The following ARHGAP22 variants were observed in gnomAD, a reference collection of about 807,000 sequenced individuals.
The protein encoded by ARHGAP22 is Rho GTPase activating protein 22, also known as rho GTPase-activating protein 22.
A neutral mutation model predicts 59.1 loss-of-function variants in ARHGAP22; 48 were observed. The observed-to-expected ratio is 0.81, with a 90% confidence interval of 0.64 to 1.03. ARHGAP22 has a LOEUF of 1.03. ARHGAP22 is among the 50% of genes least tolerant of loss of function. The probability of loss-of-function intolerance (pLI) is 0.00; values close to 1 mark genes in which losing one functional copy is unlikely to be tolerated. For missense variants in ARHGAP22, 1,015 were observed against 958.7 expected, an observed-to-expected ratio of 1.06 and a Z score of -0.78; for synonymous variants, 445 against 416.4, an observed-to-expected ratio of 1.07 and a Z score of -0.84.
At chr10:48,476,561 C>T (rs974197855) in intron 4 of ARHGAP22, among the ~76,000 whole-genome samples, 1 of 152,236 alleles carries the variant, frequency 6.6e-6, no homozygotes, top group Non-Finnish European at 1.5e-5. Flanking sequence ...CATGCATGCC[C>T]AGACACGTCT....
chr10:48,555,262 C>A (rs1462287160), intron 3 of ARHGAP22, among the ~76,000 whole-genome samples: 2 of 152,250 alleles, frequency 1.3e-5, no homozygotes, highest in African/African-American at 4.8e-5. Context: ...CCCAAAAGCT[C>A]ATTGTCCAGA....
intron 4 of ARHGAP22, among the ~76,000 whole-genome samples, chr10:48,472,607 C>G (rs1319221971): frequency 1.3e-5 from 2 of 152,200 alleles, no homozygotes; most frequent in Admixed American, 1.3e-4. Context: ...CCTCTACCTT[C>G]TGGCCACTCC....
intron 3 of ARHGAP22, among the ~76,000 whole-genome samples, chr10:48,539,617 G>A (rs2055740813): frequency 6.6e-6 from 1 of 152,134 alleles, no homozygotes; most frequent in Non-Finnish European, 1.5e-5. Context: ...ATATTTCACA[G>A]ATTTTTGTTT....
intron 2 of ARHGAP22, among the ~76,000 whole-genome samples, chr10:48,560,634 A>G (rs998855557): frequency 6.6e-6 from 1 of 152,096 alleles, no homozygotes; most frequent in African/African-American, 2.4e-5. Flanking sequence ...ATTAGCTTTC[A>G]GTTTTCCATA....
At chr10:48,439,912 A>G in the ARHGAP22 span, among the ~76,000 whole-genome samples, 1 of 152,132 alleles carries the variant, frequency 6.6e-6, no homozygotes, top group African/African-American at 2.4e-5. Context: ...TCCTCTGAGG[A>G]GCGGAGAGGA....
In ARHGAP22 at chr10:48,577,801, G is replaced by GTTTTTTTTTTTTTTTTTTT. The variant is rs34557935; in HGVS notation, c.234+5133_234+5151dup. 5.4e-4 allele frequency among the ~76,000 whole-genome samples: 32 copies of GTTTTTTTTTTTTTTTTTTT among 59,160 alleles called. 7 individuals carry two copies. The highest frequency in any genetic ancestry group is 0.022 in the Middle Eastern group (1 of 46). 38.8% of individuals were successfully genotyped at this position (59,160 alleles called of 152,430 possible). A position where few individuals can be genotyped will look rare whatever the true frequency, so the allele number is the denominator to read the frequency against. Reference sequence around the variant, plus strand: ...TCTGAGATCTAACTGCTCTTTTTTGGTTTTTTTTTTTTTTTTTTTTTTTTT... The same window carrying GTTTTTTTTTTTTTTTTTTT: ...TCTGAGATCTAACTGCTCTTTTTTGGTTTTTTTTTTTTTTTTTTTTTTTTTTTTTTTTTTTTTTTTTTTT... On this transcript the variant is annotated intron_variant, in intron 2 of 9. Transcript: ENST00000249601.
At chr10:48,648,429 C>T (rs944621594) in intron 1 of ARHGAP22, among the ~76,000 whole-genome samples, 11 of 152,122 alleles carry the variant, frequency 7.2e-5, no homozygotes, top group East Asian at 3.9e-4. Flanking sequence ...TGTCCCTTCC[C>T]GGCTGAGGAT....
At chr10:48,613,934 G>A (rs1327301049) in intron 1 of ARHGAP22, among the ~76,000 whole-genome samples, 1 of 152,168 alleles carries the variant, frequency 6.6e-6, no homozygotes, top group Non-Finnish European at 1.5e-5. Context: ...TGTTATAAAA[G>A]CAGGGTTGAT....
intron 3 of ARHGAP22, among the ~76,000 whole-genome samples, chr10:48,554,782 G>C (rs2057177962): frequency 6.6e-6 from 1 of 152,152 alleles, no homozygotes; most frequent in Non-Finnish European, 1.5e-5. Context: ...GCCTGCAGCA[G>C]CAACCCACTC....
chr10:48,503,453 T>C (rs2051742116), intron 3 of ARHGAP22, among the ~76,000 whole-genome samples: 2 of 152,312 alleles, frequency 1.3e-5, no homozygotes, highest in Middle Eastern at 3.4e-3. Context: ...TCTACATTGG[T>C]ATAAACGATG....
chr10:48,625,645 G>A (rs982047069), intron 1 of ARHGAP22, among the ~76,000 whole-genome samples: 21 of 151,682 alleles, frequency 1.4e-4, no homozygotes, highest in South Asian at 4.2e-4. Context: ...AGACCAGACC[G>A]TGCTCACATT....
At chr10:48,509,485 C>G (rs923145293) in intron 3 of ARHGAP22, among the ~76,000 whole-genome samples, 1 of 152,234 alleles carries the variant, frequency 6.6e-6, no homozygotes, top group African/African-American at 2.4e-5. Context: ...ACAAATAGCA[C>G]TAACTTGGAA....
intron 4 of ARHGAP22, among the ~76,000 whole-genome samples, chr10:48,465,622 T>A (rs1407364221): frequency 6.6e-6 from 1 of 152,218 alleles, no homozygotes; most frequent in Non-Finnish European, 1.5e-5. Context: ...AAGGGAGACC[T>A]GGGATTCCCT....
At chr10:48,540,886 C>T (rs980909069) in intron 3 of ARHGAP22, among the ~76,000 whole-genome samples, 1 of 151,974 alleles carries the variant, frequency 6.6e-6, no homozygotes, top group African/African-American at 2.4e-5. Flanking sequence ...TACTCAACCC[C>T]GGACTAGGAG....
intron 3 of ARHGAP22, among the ~76,000 whole-genome samples, chr10:48,542,603 G>A (rs1002982752): frequency 2.0e-5 from 3 of 152,186 alleles, no homozygotes; most frequent in African/African-American, 4.8e-5. Flanking sequence ...GGCTATTGCT[G>A]TCTTCCCCTC....
intron 3 of ARHGAP22, among the ~76,000 whole-genome samples, chr10:48,521,153 G>A (rs1412871943): frequency 6.6e-6 from 1 of 152,090 alleles, no homozygotes; most frequent in Admixed American, 6.6e-5. Context: ...AGCTTTTTGG[G>A]AGCACCTGGA....
intron 1 of ARHGAP22, among the ~76,000 whole-genome samples, chr10:48,585,645 C>T: frequency 6.6e-6 from 1 of 152,166 alleles, no homozygotes; most frequent in East Asian, 1.9e-4. Flanking sequence ...CTCTGGCACC[C>T]AAGCAGCTGT....
At chr10:48,491,063 C>T (rs567167773) in intron 3 of ARHGAP22, among the ~76,000 whole-genome samples, 1 of 152,188 alleles carries the variant, frequency 6.6e-6, no homozygotes, top group African/African-American at 2.4e-5. Flanking sequence ...TCCTTTATCC[C>T]GACAATCTAT....
At chr10:48,431,148 GCT>G in the ARHGAP22 span, 1 of 1,242,408 alleles carries the variant, frequency 8.0e-7, no homozygotes, top group Non-Finnish European at 1.2e-6. Flanking sequence ...TGTGAGATTG[GCT>G]CTTAGACTTT....
Sources: allele counts gnomAD v4.1 joint callset (sites outside exome capture counted in the v4.1 genomes callset), GRCh38; gene constraint gnomAD v4.1.1; transcripts MANE v1.5; gene names NCBI Gene and HGNC (gene_info 2026-07-23, HGNC 2026-07-21).